Variants in NEK6 observed in about 807,000 individuals in gnomAD.
NEK6 encodes NIMA related kinase 6.
A neutral mutation model predicts 43.5 loss-of-function variants in NEK6; 27 were observed. The observed-to-expected ratio is 0.62, with a 90% CI of 0.46 to 0.86. The LOEUF is 0.86. Ranked by LOEUF, NEK6 falls within the 40% of genes least tolerant of loss-of-function variation. NEK6 has a pLI of 0.00. For synonymous variants in NEK6, 167 were observed against 164.1 expected (o/e 1.02, Z -0.14); for missense variants, 318 against 414.4 (o/e 0.77, Z 2.02).
At chr9:124,308,225 G>A (rs1833356878) in intron 2 of NEK6, among the ~76,000 whole-genome samples, 1 of 152,196 alleles carries the variant, frequency 6.6e-6, no homozygotes, top group South Asian at 2.1e-4. Flanking sequence ...CCCCAGCATT[G>A]GAGTCTCAAC....
intron 4 of NEK6, among the ~76,000 whole-genome samples, chr9:124,321,211 A>G (rs1834050463): frequency 6.6e-6 from 1 of 152,232 alleles, no homozygotes; most frequent in Non-Finnish European, 1.5e-5. Flanking sequence ...CTTCACAACT[A>G]TGCTTCAAAA....
chr9:124,336,427 A>T (rs1829291975), intron 7 of NEK6, among the ~76,000 whole-genome samples: 1 of 152,196 alleles, frequency 6.6e-6, no homozygotes, highest in Non-Finnish European at 1.5e-5. Flanking sequence ...TGTTTTTTAA[A>T]TGCTTCCTTC....
At chr9:124,320,035 G>A (rs760712763) in intron 4 of NEK6, among the ~76,000 whole-genome samples, 14 of 152,370 alleles carry the variant, frequency 9.2e-5, no homozygotes, top group Middle Eastern at 3.4e-3. Flanking sequence ...AGCCACCCCT[G>A]GGAACCAGGA....
At chr9:124,303,490 T>C (rs1388072848) in intron 2 of NEK6, among the ~76,000 whole-genome samples, 1 of 152,212 alleles carries the variant, frequency 6.6e-6, no homozygotes, top group Non-Finnish European at 1.5e-5. Context: ...CAAGCCATGC[T>C]CCCTGGTGGA....
chr9:124,288,267 T>C lies in NEK6; in HGVS notation c.-29-13669T>C, dbSNP rs535300398. ...AATCATAACAGTGGCAGTACCCACATTGATTGATTGATTGATTGAGACAGA... is the reference window on the plus strand; with the variant it reads ...AATCATAACAGTGGCAGTACCCACACTGATTGATTGATTGATTGAGACAGA... On this transcript the variant is annotated intron_variant, in intron 1 of 9. Coordinates refer to ENST00000320246, the MANE Select transcript of NEK6 (RefSeq NM_014397.6). Among the ~76,000 whole-genome samples the C allele has an allele frequency of 8.5e-5, 13 of 152,276 alleles. No homozygotes were observed. The South Asian group carries it at 2.7e-3, about 32-fold the overall frequency.
intron 1 of NEK6, among the ~76,000 whole-genome samples, chr9:124,283,877 G>A (rs1161648723): frequency 6.6e-6 from 1 of 152,244 alleles, no homozygotes; most frequent in East Asian, 1.9e-4. Context: ...CAGAGCAGCG[G>A]GCACCCTGGT....
intron 7 of NEK6, among the ~76,000 whole-genome samples, chr9:124,335,321 A>G (rs1267954274): frequency 2.0e-5 from 3 of 152,150 alleles, no homozygotes; most frequent in Non-Finnish European, 2.9e-5. Flanking sequence ...TTGCTGTCCT[A>G]TAAGAACCCC....
intron 7 of NEK6, among the ~76,000 whole-genome samples, chr9:124,333,778 T>A (rs1829144510): frequency 7.0e-6 from 1 of 143,082 alleles, no homozygotes; most frequent in Admixed American, 6.8e-5. Flanking sequence ...CAGTCCTTTT[T>A]TTTTTTTTTT....
intron 9 of NEK6, among the ~76,000 whole-genome samples, chr9:124,348,649 A>G (rs1223276453): frequency 6.6e-6 from 1 of 152,230 alleles, no homozygotes; most frequent in Non-Finnish European, 1.5e-5. Context: ...CCAGGCTAAC[A>G]CTGCCACCAC....
chr9:124,289,054 C>T (rs536025738), intron 1 of NEK6, among the ~76,000 whole-genome samples: 1 of 152,162 alleles, frequency 6.6e-6, no homozygotes, highest in African/African-American at 2.4e-5. Flanking sequence ...AATACTAGCT[C>T]TCCACAGCCT....
At chr9:124,325,090 G>T (rs1475296141) in intron 5 of NEK6, among the ~76,000 whole-genome samples, 1 of 152,048 alleles carries the variant, frequency 6.6e-6, no homozygotes, top group Non-Finnish European at 1.5e-5. Context: ...CAGGAGAATT[G>T]CTTGAACCCA....
At position 124,326,201 on chromosome 9, in the gene NEK6, A is replaced by ATC; in HGVS notation, c.406-128_406-127dup. 1.7e-5 allele frequency: 3 copies of ATC among 178,468 alleles called. No individual in the cohort carries two copies. The highest frequency in any genetic ancestry group is 4.4e-5 in the South Asian group (1 of 22,552). 11.1% of individuals were successfully genotyped at this position (178,468 alleles called of 1,614,324 possible). ...GGCTTATTGTTTGCTCAGTGGCTCAATCCCCCCCCCCCGCCCCTGCCAGGC... is the reference window on the plus strand; with the variant it reads ...GGCTTATTGTTTGCTCAGTGGCTCAATCTCCCCCCCCCCCGCCCCTGCCAGGC... On this transcript the variant is annotated intron_variant, in intron 5 of 9. Transcript: ENST00000320246. This position sits in a 1 kb window ranked among gnomAD's most constrained non-coding sequence, Gnocchi z 4.5.
chr9:124,336,837 C>T (rs368304973), intron 7 of NEK6, among the ~76,000 whole-genome samples: 7 of 152,172 alleles, frequency 4.6e-5, no homozygotes, highest in East Asian at 1.9e-4. Flanking sequence ...GGTGAAACTC[C>T]GTCTCTACTA....
At chr9:124,306,460 C>T (rs1032052945) in intron 2 of NEK6, among the ~76,000 whole-genome samples, 4 of 152,134 alleles carry the variant, frequency 2.6e-5, no homozygotes, top group Non-Finnish European at 5.9e-5. Flanking sequence ...GCGGTGCAGA[C>T]GTCTTAGCTG....
chr9:124,334,449 G>A (rs924908793), intron 7 of NEK6, among the ~76,000 whole-genome samples: 15 of 152,260 alleles, frequency 9.9e-5, no homozygotes, highest in Admixed American at 9.8e-4. Context: ...AGAGAGAGCA[G>A]TGAGGTGGCA....
intron 1 of NEK6, among the ~76,000 whole-genome samples, chr9:124,273,183 C>T (rs900301309): frequency 2.6e-5 from 4 of 152,146 alleles, no homozygotes; most frequent in Admixed American, 2.0e-4. Flanking sequence ...AGTGGAGGCT[C>T]AGAGAGGCTG....
At chr9:124,289,979 C>G (rs1489083249) in intron 1 of NEK6, among the ~76,000 whole-genome samples, 1 of 152,248 alleles carries the variant, frequency 6.6e-6, no homozygotes, top group African/African-American at 2.4e-5. Flanking sequence ...TGGCCACATA[C>G]TTCCTAAGCC....
intron 1 of NEK6, among the ~76,000 whole-genome samples, chr9:124,271,328 GT>G (rs1186488212): frequency 6.6e-6 from 1 of 152,248 alleles, no homozygotes; most frequent in African/African-American, 2.4e-5. Flanking sequence ...ATCAGAGAGG[GT>G]GAGGAGCTTG....
chr9:124,347,937 C>T (rs985673455), intron 9 of NEK6, 115 bp downstream of exon 9: 1 of 607,884 alleles, frequency 1.6e-6, no homozygotes, highest in Non-Finnish European at 2.9e-6. Flanking sequence ...TTACACGGTG[C>T]AGAAAGGGAG....
Sources: allele counts gnomAD v4.1 joint callset (sites outside exome capture counted in the v4.1 genomes callset), GRCh38; gene constraint gnomAD v4.1.1; non-coding constraint Gnocchi (gnomAD v3.1); transcripts MANE v1.5; gene names NCBI Gene and HGNC (gene_info 2026-07-23, HGNC 2026-07-21).